Variants in LHX4 observed in about 807,000 individuals in gnomAD.
LHX4 encodes LIM homeobox 4.
LHX4 carries 16 observed loss-of-function variants against 39.2 expected under a neutral mutation model. The observed-to-expected ratio is 0.41, with a 90% CI of 0.28 to 0.62. LHX4 has a LOEUF of 0.62. Ranked by LOEUF, LHX4 falls within the 20% of genes least tolerant of loss-of-function variation. The pLI, the probability that LHX4 is intolerant of heterozygous loss-of-function variation, is 0.33. For synonymous variants in LHX4, 206 were observed against 198.1 expected (o/e 1.04, Z -0.33); for missense variants, 439 against 511.9 (o/e 0.86, Z 1.37).
At chr1:180,229,791 C>G (rs1007890022), upstream of LHX4, among the ~76,000 whole-genome samples, 11 of 151,430 alleles carry the variant, frequency 7.3e-5, no homozygotes, top group Non-Finnish European at 1.3e-4. Flanking sequence ...GCCCCTGGGT[C>G]CGAACGGAGG....
In LHX4 at chr1:180,271,425, C is replaced by A; in HGVS notation, c.497C>A (p.Ala166Asp). The A allele has an allele frequency of 6.2e-7, 1 of 1,614,142 alleles. No homozygotes were observed. Among genetic ancestry groups the A allele is most frequent in the Non-Finnish European group, 8.5e-7 (1 of 1,180,026 alleles). Residue 166 changes from alanine (A) to aspartate (D), a missense_variant, in exon 4 of 6, where the codon GCC becomes GAC. Physicochemically the swap from Ala to Asp is moderately radical, Grantham distance 126. Coordinates refer to ENST00000263726, the MANE Select transcript of LHX4 (RefSeq NM_033343.4). Reference protein sequence around the residue: ...GAKRPRTTITAKQLETLKNAY... With the variant: ...GAKRPRTTITDKQLETLKNAY... ...AAGCGGCCCCGGACCACCATCACAGCCAAGCAGCTGGAGACATTAAAGAAT... is the reference window on the plus strand; with the variant it reads ...AAGCGGCCCCGGACCACCATCACAGACAAGCAGCTGGAGACATTAAAGAAT...
rs1211200671 is a variant in LHX4, at chr1:180,276,950, C to CCT, written c.*2373_*2374dup. The CCT allele has an allele frequency of 2.0e-5, 3 of 152,170 alleles. No homozygotes were observed. Among genetic ancestry groups the CCT allele is most frequent in the Non-Finnish European group, 2.9e-5 (2 of 68,040 alleles). The allele number at this position is 152,170 out of a possible 1,614,324, so 9.4% of individuals were successfully genotyped here. A position where few individuals can be genotyped will look rare whatever the true frequency, so the allele number is the denominator to read the frequency against. ...GTTCAATAGTGGAAGGAGAGGCCTT[C>CCT]CTCATTTATACTAATAATATAATAA... On this transcript the variant is annotated 3_prime_UTR_variant, in exon 6 of 6. Coordinates refer to ENST00000263726, the MANE Select transcript of LHX4 (RefSeq NM_033343.4).
Position 180,230,579 on chromosome 1 carries a change from C to T in LHX4, c.50C>T (p.Pro17Leu), listed in dbSNP as rs759346232. 7 of 1,613,902 alleles carry T rather than the reference C, an allele frequency of 4.3e-6. No individual in the cohort carries two copies. Among genetic ancestry groups the T allele is most frequent in the Non-Finnish European group, 5.9e-6 (7 of 1,179,960 alleles). ...VPAEGAVKGLPEMLGVPMQQI... is the reference protein window; with the variant it reads ...VPAEGAVKGLLEMLGVPMQQI... ...GCGGAAGGGGCTGTCAAGGGGCTCC[C>T]GGAGATGCTAGGTGTGCCGATGCAA... Residue 17 changes from proline to leucine, a missense_variant, in exon 1 of 6, where the codon CCG becomes CTG. By Grantham distance (98) the Pro-to-Leu change is moderately conservative. Transcript: ENST00000263726. This position sits in a 1 kb window ranked among gnomAD's most constrained non-coding sequence, Gnocchi z 5.8.
intron 1 of LHX4, 76 bp from the exon 2 acceptor site, chr1:180,248,209 G>T: frequency 6.8e-7 from 1 of 1,466,388 alleles, no homozygotes; most frequent in Non-Finnish European, 9.4e-7. Flanking sequence ...GAGTGGGAAG[G>T]CACCCGCCAG....
chr1:180,269,307 A>C (rs17372142), intron 3 of LHX4, among the ~76,000 whole-genome samples: 14,232 of 152,198 alleles, frequency 0.094, 686 homozygotes, highest in African/African-American at 0.12. Context: ...GGCCTTCCTC[A>C]TAGCGTTTTG....
intron 2 of LHX4, among the ~76,000 whole-genome samples, chr1:180,251,719 C>T (rs866696324): frequency 6.6e-6 from 1 of 152,186 alleles, no homozygotes; most frequent in Non-Finnish European, 1.5e-5. Context: ...TGCAAATGCT[C>T]AGGCCCATCA....
chr1:180,229,963 G>GC (rs1558204889), upstream of LHX4, among the ~76,000 whole-genome samples: 2 of 78,230 alleles, frequency 2.6e-5, no homozygotes, highest in Admixed American at 1.3e-4. Context: ...CGGAGGCGGG[G>GC]AGGGGGGGGG....
chr1:180,269,412 TG>T (rs1558222246), intron 3 of LHX4, among the ~76,000 whole-genome samples: 2 of 152,190 alleles, frequency 1.3e-5, no homozygotes, highest in Non-Finnish European at 2.9e-5. Context: ...TGGATGACAT[TG>T]TTATGGGATA....
At chr1:180,271,685 C>T (rs541028230) in intron 4 of LHX4, 150 bp from the exon 5 acceptor site, 7 of 1,312,926 alleles carry the variant, frequency 5.3e-6, no homozygotes, top group African/African-American at 1.5e-5. Flanking sequence ...CTGAGGCCCA[C>T]CTGGGGAGAG....
chr1:180,235,791 A>G (rs1664302165), intron 1 of LHX4, among the ~76,000 whole-genome samples: 1 of 152,150 alleles, frequency 6.6e-6, no homozygotes, highest in African/African-American at 2.4e-5. Context: ...GGCGCGGGCC[A>G]CCGGGTGCAC....
At chr1:180,229,965 G>GGGGC, upstream of LHX4, among the ~76,000 whole-genome samples, 1 of 12,170 alleles carries the variant, frequency 8.2e-5, no homozygotes, top group Non-Finnish European at 2.6e-4. Flanking sequence ...GAGGCGGGGA[G>GGGGC]GGGGGGGGGG....
At chr1:180,253,678 G>C (rs1221661905) in intron 2 of LHX4, among the ~76,000 whole-genome samples, 1 of 152,244 alleles carries the variant, frequency 6.6e-6, no homozygotes, top group Non-Finnish European at 1.5e-5. Context: ...CACCGAGCTA[G>C]GAAGAAGACG....
At chr1:180,250,986 C>T (rs1343772802) in intron 2 of LHX4, among the ~76,000 whole-genome samples, 1 of 152,168 alleles carries the variant, frequency 6.6e-6, no homozygotes, top group African/African-American at 2.4e-5. Context: ...CCCTGGCCCT[C>T]TTTTGGATCC....
intron 2 of LHX4, among the ~76,000 whole-genome samples, chr1:180,263,440 T>C (rs181294882): frequency 7.2e-5 from 11 of 151,780 alleles, no homozygotes; most frequent in South Asian, 4.2e-4. Context: ...GGAGATGGGG[T>C]GGAGGGTGAT....
In LHX4 at chr1:180,255,144, G is replaced by A. The variant is rs1436495144; in HGVS notation, c.248+6688G>A. The stretch of plus-strand genomic sequence containing the variant: ...GAGCGGGGCCAGCCTGGTGGGAGGC[G>A]GCAGCCCGCGCCTGGGTGGCTTTCC... On this transcript the variant is annotated intron_variant, in intron 2 of 5. Transcript: ENST00000263726. 3.3e-5 allele frequency among the ~76,000 whole-genome samples: 5 copies of A among 152,376 alleles called. No individual in the cohort carries two copies. The South Asian group carries it at 8.3e-4, about 25-fold the overall frequency.
In LHX4 at chr1:180,276,510, A is replaced by G. The variant is rs988882255; in HGVS notation, c.*1931A>G. 5 of 152,166 alleles carry G rather than the reference A, an allele frequency of 3.3e-5. No individual in the cohort carries two copies. The highest frequency in any genetic ancestry group is 2.6e-4 in the Admixed American group (4 of 15,278). The allele number at this position is 152,166 out of a possible 1,614,324, so 9.4% of individuals were successfully genotyped here. A position where few individuals can be genotyped will look rare whatever the true frequency, so the allele number is the denominator to read the frequency against. ...TTCTCTTGAGGTTCCATGTTTATGG[A>G]TGATGTTGTGTTAATCCTAGCCAAT... On this transcript the variant is annotated 3_prime_UTR_variant, in exon 6 of 6. Transcript: ENST00000263726.
intron 5 of LHX4, chr1:180,272,740 G>A (rs1412741331): frequency 6.6e-6 from 1 of 152,242 alleles, no homozygotes; most frequent in Non-Finnish European, 1.5e-5. Context: ...TCAGAGACCT[G>A]GTTTCCAGTG....
At chr1:180,254,321 G>A (rs972539132) in intron 2 of LHX4, among the ~76,000 whole-genome samples, 1 of 152,238 alleles carries the variant, frequency 6.6e-6, no homozygotes, top group African/African-American at 2.4e-5. Flanking sequence ...GATGGAGGCC[G>A]CTGTGTCGCA....
intron 1 of LHX4, among the ~76,000 whole-genome samples, chr1:180,237,042 T>C (rs542936712): frequency 1.3e-5 from 2 of 152,326 alleles, no homozygotes; most frequent in South Asian, 4.1e-4. Context: ...GTCCACTGCT[T>C]TTAGTAAAAT....
Sources: allele counts gnomAD v4.1 joint callset (sites outside exome capture counted in the v4.1 genomes callset), GRCh38; gene constraint gnomAD v4.1.1; non-coding constraint Gnocchi (gnomAD v3.1); transcripts MANE v1.5; gene names NCBI Gene and HGNC (gene_info 2026-07-23, HGNC 2026-07-21).